The following LRMDA variants were observed in gnomAD, a reference collection of about 807,000 sequenced individuals.
The protein encoded by LRMDA is leucine-rich melanocyte differentiation-associated protein.
LRMDA carries 18 observed loss-of-function variants against 29.8 expected under a neutral mutation model. The observed-to-expected ratio is 0.60, with a 90% confidence interval of 0.42 to 0.90. The LOEUF (loss-of-function observed/expected upper bound fraction) is 0.90. Among genes scored for constraint, LRMDA ranks in the 40% least tolerant of loss-of-function variants. The pLI is 0.00. For missense variants in LRMDA, 273 were observed against 273.9 expected (o/e 1.00, Z 0.02); for synonymous variants, 125 against 109.4 (o/e 1.14, Z -0.89).
intron 2 of LRMDA, among the ~76,000 whole-genome samples, chr10:75,881,797 A>T (rs1323937435): frequency 1.3e-5 from 2 of 152,208 alleles, no homozygotes; most frequent in Non-Finnish European, 1.5e-5. Context: ...TTCATTTTCA[A>T]TAAATTTCTG....
intron 5 of LRMDA, among the ~76,000 whole-genome samples, chr10:76,167,844 C>T (rs1850768219): frequency 6.6e-6 from 1 of 152,134 alleles, no homozygotes; most frequent in African/African-American, 2.4e-5. Flanking sequence ...TTGCTTTGAA[C>T]AGTATGGCCA....
At chr10:75,741,972 G>T (rs540063167) in intron 2 of LRMDA, among the ~76,000 whole-genome samples, 1 of 152,290 alleles carries the variant, frequency 6.6e-6, no homozygotes, top group South Asian at 2.1e-4. Flanking sequence ...AGAATGCAAA[G>T]ACAGTTATCA....
intron 2 of LRMDA, among the ~76,000 whole-genome samples, chr10:75,842,845 G>A (rs1409527364): frequency 6.6e-6 from 1 of 150,928 alleles, no homozygotes; most frequent in Non-Finnish European, 1.5e-5. Flanking sequence ...AACACAGTGA[G>A]ACCCCTGTTT....
intron 2 of LRMDA, among the ~76,000 whole-genome samples, chr10:75,498,034 G>A (rs4437971): frequency 0.83 from 125,692 of 151,650 alleles, 52,352 homozygotes; most frequent in Admixed American, 0.87. Context: ...ACAAAGTATT[G>A]AAGTTCTGGT....
At chr10:76,471,660 T>C (rs1388752128) in intron 6 of LRMDA, among the ~76,000 whole-genome samples, 2 of 151,762 alleles carry the variant, frequency 1.3e-5, no homozygotes, top group African/African-American at 4.8e-5. Flanking sequence ...AATCCAACTA[T>C]AGGTTGTTTA....
intron 2 of LRMDA, among the ~76,000 whole-genome samples, chr10:75,530,669 C>T (rs772544873): frequency 3.3e-5 from 5 of 152,130 alleles, no homozygotes; most frequent in African/African-American, 7.2e-5. Context: ...CTCTGCATTC[C>T]CTCCCACTAG....
At chr10:76,329,200 C>T (rs1840874410) in intron 6 of LRMDA, among the ~76,000 whole-genome samples, 3 of 152,202 alleles carry the variant, frequency 2.0e-5, no homozygotes, top group Admixed American at 2.0e-4. Context: ...AGGCGATTCT[C>T]CGATGTAGTT....
intron 2 of LRMDA, among the ~76,000 whole-genome samples, chr10:75,796,205 A>T (rs1843649776): frequency 6.6e-6 from 1 of 152,188 alleles, no homozygotes. Context: ...TGCCCTGGCC[A>T]GAGGTTCCAG....
intron 2 of LRMDA, among the ~76,000 whole-genome samples, chr10:76,035,185 C>T (rs1446895340): frequency 6.6e-6 from 1 of 151,372 alleles, no homozygotes; most frequent in Non-Finnish European, 1.5e-5. Flanking sequence ...TTGCACTCTA[C>T]ACTTCTTTCA....
intron 6 of LRMDA, among the ~76,000 whole-genome samples, chr10:76,524,931 A>G (rs946139941): frequency 6.6e-6 from 1 of 152,230 alleles, no homozygotes; most frequent in Non-Finnish European, 1.5e-5. Flanking sequence ...GGGGTCTTAG[A>G]AAATAACACA....
intron 6 of LRMDA, among the ~76,000 whole-genome samples, chr10:76,408,196 G>A (rs1376590519): frequency 1.3e-5 from 2 of 152,142 alleles, no homozygotes; most frequent in Non-Finnish European, 2.9e-5. Context: ...TTCTCATTCC[G>A]TGGTTATTTG....
At chr10:75,584,682 C>T (rs1020570374) in intron 2 of LRMDA, among the ~76,000 whole-genome samples, 2 of 152,124 alleles carry the variant, frequency 1.3e-5, no homozygotes, top group Admixed American at 6.5e-5. Flanking sequence ...ATATATGAGA[C>T]AGAAAAACTA....
chr10:76,065,217 G>A (rs1848763929), intron 5 of LRMDA, among the ~76,000 whole-genome samples: 2 of 152,188 alleles, frequency 1.3e-5, no homozygotes, highest in Non-Finnish European at 2.9e-5. Context: ...TGTGCCTCAA[G>A]CAAATGCTTT....
intron 5 of LRMDA, among the ~76,000 whole-genome samples, chr10:76,253,971 T>G (rs994790095): frequency 1.3e-5 from 2 of 152,300 alleles, no homozygotes; most frequent in South Asian, 4.1e-4. Context: ...AAACAAGAGC[T>G]TAGTTTTAAT....
intron 2 of LRMDA, among the ~76,000 whole-genome samples, chr10:75,582,608 G>T (rs564307488): frequency 7.2e-5 from 11 of 152,194 alleles, no homozygotes; most frequent in Non-Finnish European, 1.6e-4. Flanking sequence ...TGCCACAAAG[G>T]CCTCTGAAAT....
intron 2 of LRMDA, among the ~76,000 whole-genome samples, chr10:75,965,560 C>T (rs777967685): frequency 8.6e-5 from 13 of 152,028 alleles, no homozygotes; most frequent in Non-Finnish European, 1.8e-4. Context: ...TACTTCTCCG[C>T]ACTCCACTAG....
chr10:76,377,241 T>A (rs954452255), intron 6 of LRMDA, among the ~76,000 whole-genome samples: 7 of 152,124 alleles, frequency 4.6e-5, no homozygotes, highest in African/African-American at 1.7e-4. Flanking sequence ...TTAATGGGGT[T>A]ATTTATTTTG....
chr10:75,637,070 T>C (rs542402014), intron 2 of LRMDA, among the ~76,000 whole-genome samples: 1 of 152,334 alleles, frequency 6.6e-6, no homozygotes, highest in African/African-American at 2.4e-5. Context: ...GAGGAGACAA[T>C]TGAGCAATTT....
intron 6 of LRMDA, among the ~76,000 whole-genome samples, chr10:76,415,863 T>C (rs539000225): frequency 6.6e-6 from 1 of 152,308 alleles, no homozygotes; most frequent in East Asian, 1.9e-4. Flanking sequence ...CATGTCTTGT[T>C]CTCCTCGCTG....
Sources: gnomAD v4.1 joint callset for allele counts (sites outside exome capture counted in the v4.1 genomes callset) on GRCh38, gnomAD v4.1.1 for gene constraint, MANE v1.5 for transcripts, NCBI Gene and HGNC (gene_info 2026-07-23, HGNC 2026-07-21) for gene names.